The following HLTF variants were observed in gnomAD, a reference collection of about 807,000 sequenced individuals.
HLTF encodes the protein helicase like transcription factor, also known as DNA-dependent ATPase/E3 ubiquitin-protein ligase HLTF.
Under a neutral mutation model 129.4 loss-of-function variants are expected in HLTF, and 127 were observed. The ratio of observed to expected loss-of-function variants is 0.98; its 90% CI spans 0.85 to 1.14. The LOEUF is 1.14. Among genes scored for constraint, HLTF ranks in the 50% most tolerant of loss-of-function variants. HLTF has a pLI of 0.00. For missense variants in HLTF, 1,139 were observed against 1,187.1 expected, an observed-to-expected ratio of 0.96 and a Z score of 0.60; for synonymous variants, 332 against 388.8, an observed-to-expected ratio of 0.85 and a Z score of 1.72.
intron 13 of HLTF, among the ~76,000 whole-genome samples, chr3:149,055,833 T>C (rs909163328): frequency 6.6e-6 from 1 of 152,234 alleles, no homozygotes; most frequent in African/African-American, 2.4e-5. Flanking sequence ...CAACAGAATA[T>C]AGCAGAGAAG....
intron 1 of HLTF, 128 bp downstream of exon 1, chr3:149,086,189 G>T: frequency 2.9e-6 from 3 of 1,020,980 alleles, no homozygotes; most frequent in African/African-American, 3.2e-5. Flanking sequence ...CCACATATGC[G>T]ACCAACAGAA....
At position 149,050,323 on chromosome 3, in the gene HLTF, TA is replaced by T; in HGVS notation, c.1525del (p.Tyr509IlefsTer20). The T allele has an allele frequency of 1.3e-6, 2 of 1,596,516 alleles. No homozygotes were observed. The highest frequency in any genetic ancestry group is 1.7e-6 in the Non-Finnish European group (2 of 1,167,090). On this transcript the variant is annotated frameshift_variant, in exon 15 of 25. Coordinates refer to ENST00000310053, the MANE Select transcript of HLTF (RefSeq NM_003071.4). LOFTEE classifies it high-confidence loss of function. ...TTCTCTAATACGATCAGGACCATAA[TA>T]AACATAAAAATTCAAGTGTACATCT... ...KSDVHLNFYV[Y>X]YGPDRIREPA...
chr3:149,046,471 C>T (rs1246854287), intron 17 of HLTF, among the ~76,000 whole-genome samples: 1 of 152,056 alleles, frequency 6.6e-6, no homozygotes, highest in Non-Finnish European at 1.5e-5. Flanking sequence ...GAAATTTCCC[C>T]TCAATACCTA....
chr3:149,046,097 GCC>G lies in HLTF; in HGVS notation c.2053_2054del (p.Gly685GlnfsTer9), dbSNP rs1424797911. The G allele has an allele frequency of 6.2e-7, 1 of 1,607,654 alleles. No homozygotes were observed. Among genetic ancestry groups the G allele is most frequent in the South Asian group, 1.1e-5 (1 of 89,426 alleles). On this transcript the variant is annotated frameshift_variant, in exon 18 of 25. Coordinates refer to ENST00000310053, the MANE Select transcript of HLTF (RefSeq NM_003071.4). LOFTEE classifies it high-confidence loss of function. ...RKIYQSVKNE[G>X]RATIGRYFNE... Reference sequence around the variant, plus strand: ...CTCCATACCTTCCAATAGTGGCTCTGCCTTCATTTTTCACAGACTGATAAATC... The same window carrying G: ...CTCCATACCTTCCAATAGTGGCTCTGTTCATTTTTCACAGACTGATAAATC...
intron 2 of HLTF, among the ~76,000 whole-genome samples, chr3:149,083,135 C>CA (rs1488234741): frequency 1.3e-5 from 2 of 152,032 alleles, no homozygotes; most frequent in Non-Finnish European, 2.9e-5. Context: ...CCTGTAATCC[C>CA]AGCTACTTAG....
At chr3:149,053,796 A>T (rs1282852253) in intron 14 of HLTF, among the ~76,000 whole-genome samples, 1 of 152,172 alleles carries the variant, frequency 6.6e-6, no homozygotes, top group South Asian at 2.1e-4. Flanking sequence ...TTAAAAATAC[A>T]TCTCTATACC....
In HLTF at chr3:149,039,138, C is replaced by T. The variant is rs755757366; in HGVS notation, c.2707G>A (p.Gly903Arg). 6.2e-7 allele frequency: 1 copy of T among 1,612,362 alleles called. No individual in the cohort carries two copies. The highest frequency in any genetic ancestry group is 1.3e-5 in the African/African-American group (1 of 74,944). Reference protein sequence around the residue: ...SIQCFQNTEAGSPTIMLLSLK... With the variant: ...SIQCFQNTEARSPTIMLLSLK... ...GACAGAAGCATTATAGTTGGAGATCCTGCTTCAGTGTTTTGAAAACACTGA... is the reference window on the plus strand; with the variant it reads ...GACAGAAGCATTATAGTTGGAGATCTTGCTTCAGTGTTTTGAAAACACTGA... Residue 903 changes from glycine (G) to arginine (R), a missense_variant, in exon 23 of 25, where the codon GGA becomes AGA. Transcript: ENST00000310053.
chr3:149,081,094 T>C (rs1719819541), intron 2 of HLTF, among the ~76,000 whole-genome samples: 1 of 152,128 alleles, frequency 6.6e-6, no homozygotes, highest in Admixed American at 6.5e-5. Context: ...TAACATCTTG[T>C]TCACTCTGTT....
Position 149,056,807 on chromosome 3 carries a change from G to A in HLTF, c.1376-1407C>T, listed in dbSNP as rs114273913. On this transcript the variant is annotated intron_variant, in intron 13 of 24. Transcript: ENST00000310053. ...ACATGCAAATTTTTGTTAACCAAAC[G>A]TGGATTAAAAATACAGAATGGGCCG... Among the ~76,000 whole-genome samples, 1,508 of 152,166 alleles carry A rather than the reference G, an allele frequency of 9.9e-3. 25 individuals are homozygous for A. The highest frequency in any genetic ancestry group is 0.034 in the African/African-American group (1,425 of 41,522).
chr3:149,064,222 C>T (rs1184526905), intron 9 of HLTF, among the ~76,000 whole-genome samples: 1 of 152,102 alleles, frequency 6.6e-6, no homozygotes, highest in African/African-American at 2.4e-5. Flanking sequence ...TACCCTAACT[C>T]GCCACCTTTC....
At chr3:149,073,347 T>C (rs1396059716) in intron 4 of HLTF, 25 bp from the exon 5 acceptor site, 2 of 1,478,778 alleles carry the variant, frequency 1.4e-6, no homozygotes, top group South Asian at 2.3e-5. Flanking sequence ...ATAAAAAGAA[T>C]AAAGCCATCA....
intron 1 of HLTF, 22 bp downstream of exon 1, chr3:149,086,295 C>T (rs368487159): frequency 1.2e-6 from 2 of 1,601,408 alleles, no homozygotes; most frequent in Non-Finnish European, 1.7e-6. Context: ...ACCGAGCGCC[C>T]CACCCCCTCC....
At chr3:149,050,616 G>A (rs1219694732) in intron 14 of HLTF, among the ~76,000 whole-genome samples, 1 of 152,136 alleles carries the variant, frequency 6.6e-6, no homozygotes, top group African/African-American at 2.4e-5. Flanking sequence ...TCATTTTTAG[G>A]AGGAAAAACC....
chr3:149,077,562 CA>C (rs998867786), intron 2 of HLTF, among the ~76,000 whole-genome samples: 7 of 150,520 alleles, frequency 4.7e-5, no homozygotes, highest in Non-Finnish European at 8.9e-5. Flanking sequence ...ACAGCTGAAG[CA>C]AAAAAACAAA....
chr3:149,050,996 A>G (rs762042519), intron 14 of HLTF, among the ~76,000 whole-genome samples: 2 of 152,130 alleles, frequency 1.3e-5, no homozygotes, highest in Non-Finnish European at 1.5e-5. Flanking sequence ...AACTGAAAAG[A>G]GAAGATACCA....
chr3:149,056,667 T>G (rs1447996101), intron 13 of HLTF, among the ~76,000 whole-genome samples: 1 of 152,126 alleles, frequency 6.6e-6, no homozygotes. Context: ...ACAATAAAGT[T>G]TAATTTATAA....
In HLTF at chr3:149,041,508, T is replaced by C; in HGVS notation, c.2358A>G (p.Gln786=). Residue 786 remains glutamine (Q), a synonymous_variant, in exon 20 of 25, where the codon CAA becomes CAG. Coordinates refer to ENST00000310053, the MANE Select transcript of HLTF (RefSeq NM_003071.4). ...AACTAACCTGCTCATTCTGAATGAC[T>C]TGGCAAATACAGGGTTTACAAAATA... The part of the protein sequence containing the change: ...AHVFCKPCIC[Q]VIQNEQPHAK... 2 of 1,612,906 alleles carry C rather than the reference T, an allele frequency of 1.2e-6. No homozygotes were observed. The highest frequency in any genetic ancestry group is 1.7e-6 in the Non-Finnish European group (2 of 1,179,298).
At chr3:149,036,160 C>G (rs1372084690) in intron 23 of HLTF, among the ~76,000 whole-genome samples, 4 of 151,338 alleles carry the variant, frequency 2.6e-5, no homozygotes, top group African/African-American at 9.7e-5. Context: ...ACAAAAAACA[C>G]AACAACAGCA....
chr3:149,048,418 T>C lies in HLTF; in HGVS notation c.1757-255A>G, dbSNP rs369266458. Among the ~76,000 whole-genome samples the C allele has an allele frequency of 2.5e-4, 38 of 152,328 alleles. 1 individual carries two copies. The highest frequency in any genetic ancestry group is 9.1e-4 in the African/African-American group (38 of 41,574). On this transcript the variant is annotated intron_variant, in intron 16 of 24. Transcript: ENST00000310053. The stretch of plus-strand genomic sequence containing the variant: ...AGAAAAAGACTGGAAAATTCAACTT[T>C]CTCCTTATCAAGTACATCTGCTTAT...
Sources: allele counts gnomAD v4.1 joint callset (sites outside exome capture counted in the v4.1 genomes callset), GRCh38; gene constraint gnomAD v4.1.1; transcripts MANE v1.5; gene names NCBI Gene and HGNC (gene_info 2026-07-23, HGNC 2026-07-21).